RIT2: variants seen among roughly 807,000 people sequenced by gnomAD.
The protein encoded by RIT2 is Ras like without CAAX 2.
A neutral mutation model predicts 23.7 loss-of-function variants in RIT2; 24 were observed. The ratio of observed to expected loss-of-function variants is 1.01; its 90% CI spans 0.73 to 1.43. The LOEUF (loss-of-function observed/expected upper bound fraction) is 1.43, where lower values mean the gene tolerates loss of function less well. Ranked by LOEUF, RIT2 falls within the 40% of genes most tolerant of loss-of-function variation. The probability of loss-of-function intolerance (pLI) is 0.00; values close to 1 mark genes in which losing one functional copy is unlikely to be tolerated. For missense variants in RIT2, 236 were observed against 266.9 expected, an observed-to-expected ratio of 0.88 and a Z score of 0.81; for synonymous variants, 107 against 91.1, an observed-to-expected ratio of 1.17 and a Z score of -0.99.
intron 3 of RIT2, among the ~76,000 whole-genome samples, chr18:42,954,849 C>T (rs1909936007): frequency 6.6e-6 from 1 of 152,100 alleles, no homozygotes; most frequent in Non-Finnish European, 1.5e-5. Context: ...ACATTTACCA[C>T]CTCTCTTACT....
intron 3 of RIT2, among the ~76,000 whole-genome samples, chr18:42,971,533 AT>A (rs138486305): frequency 0.023 from 3,567 of 152,146 alleles, 56 homozygotes; most frequent in Middle Eastern, 0.055. Flanking sequence ...TAACTAAAAA[AT>A]GTTCTATTAA....
intron 2 of RIT2, among the ~76,000 whole-genome samples, chr18:42,978,670 T>TGCTTGTCAGAATG (rs1910527976): frequency 6.6e-6 from 1 of 152,130 alleles, no homozygotes; most frequent in African/African-American, 2.4e-5. Context: ...TAGGACTGCA[T>TGCTTGTCAGAATG]TCTTGGAGGC....
At chr18:43,091,280 G>A (rs1207850355) in intron 1 of RIT2, among the ~76,000 whole-genome samples, 1 of 152,022 alleles carries the variant, frequency 6.6e-6, no homozygotes, top group Admixed American at 6.6e-5. Context: ...TGTCCCCACA[G>A]TGTTTATACA....
chr18:42,919,854 A>G (rs1598714829), intron 4 of RIT2, among the ~76,000 whole-genome samples: 1 of 152,032 alleles, frequency 6.6e-6, no homozygotes, highest in East Asian at 1.9e-4. Flanking sequence ...ATCCGGGCCT[A>G]TCTCCTTCTA....
intron 4 of RIT2, among the ~76,000 whole-genome samples, chr18:42,834,518 TTTG>T (rs1368594265): frequency 1.3e-5 from 2 of 151,982 alleles, no homozygotes; most frequent in African/African-American, 2.4e-5. Context: ...GGGGTAGAAT[TTTG>T]TTATCATACT....
At chr18:42,967,292 G>A (rs17716283) in intron 3 of RIT2, among the ~76,000 whole-genome samples, 14,542 of 151,898 alleles carry the variant, frequency 0.096, 808 homozygotes, top group Non-Finnish European at 0.12. Context: ...ACAGTTGATG[G>A]TCTAGATAAT....
At chr18:43,077,346 C>A (rs1913050175) in intron 1 of RIT2, among the ~76,000 whole-genome samples, 1 of 152,204 alleles carries the variant, frequency 6.6e-6, no homozygotes, top group Middle Eastern at 3.4e-3. Context: ...CTAATAGAAT[C>A]TCATTCAAAC....
At chr18:42,831,755 A>G (rs1019838943) in intron 4 of RIT2, among the ~76,000 whole-genome samples, 12 of 152,144 alleles carry the variant, frequency 7.9e-5, no homozygotes, top group Non-Finnish European at 1.5e-5. Context: ...TTAACTAGGA[A>G]ATGGATGTTC....
chr18:43,030,796 T>C (rs191948128), intron 2 of RIT2, among the ~76,000 whole-genome samples: 217 of 152,228 alleles, frequency 1.4e-3, no homozygotes, highest in Non-Finnish European at 2.8e-3. Flanking sequence ...TGGTATGAGA[T>C]GCTGGTGGAT....
At chr18:42,773,567 G>A (rs1422234417) in intron 4 of RIT2, among the ~76,000 whole-genome samples, 1 of 152,074 alleles carries the variant, frequency 6.6e-6, no homozygotes, top group African/African-American at 2.4e-5. Flanking sequence ...TTATTTGGTG[G>A]CAGGTCTATA....
chr18:43,052,883 T>C (rs908828361), intron 1 of RIT2, among the ~76,000 whole-genome samples: 1 of 152,014 alleles, frequency 6.6e-6, no homozygotes, highest in Non-Finnish European at 1.5e-5. Context: ...GAGATAACAG[T>C]TCTATCTTGC....
intron 4 of RIT2, among the ~76,000 whole-genome samples, chr18:42,756,948 A>C (rs1913179182): frequency 6.6e-6 from 1 of 152,108 alleles, no homozygotes; most frequent in Non-Finnish European, 1.5e-5. Flanking sequence ...TAATTAAATA[A>C]TAAATTATAT....
intron 1 of RIT2, among the ~76,000 whole-genome samples, chr18:43,070,129 G>A (rs1465743259): frequency 1.3e-5 from 2 of 152,132 alleles, no homozygotes; most frequent in Non-Finnish European, 2.9e-5. Flanking sequence ...AGGAAAATAA[G>A]AGTGGGGGGA....
At chr18:42,938,938 A>G (rs1909527467) in intron 3 of RIT2, among the ~76,000 whole-genome samples, 1 of 151,990 alleles carries the variant, frequency 6.6e-6, no homozygotes, top group Admixed American at 6.6e-5. Context: ...TAGGGATGGC[A>G]TCTCACTATG....
intron 4 of RIT2, among the ~76,000 whole-genome samples, chr18:42,838,936 T>C (rs1906690766): frequency 6.6e-6 from 1 of 152,202 alleles, no homozygotes; most frequent in African/African-American, 2.4e-5. Context: ...CCAGAGCTAG[T>C]GCAAGCCTCA....
chr18:42,851,250 G>A (rs1907047155), intron 4 of RIT2, among the ~76,000 whole-genome samples: 1 of 152,102 alleles, frequency 6.6e-6, no homozygotes, highest in South Asian at 2.1e-4. Context: ...TACATTTGTG[G>A]TGTGCTTATC....
At chr18:42,766,303 C>G (rs1261463825) in intron 4 of RIT2, among the ~76,000 whole-genome samples, 1 of 152,144 alleles carries the variant, frequency 6.6e-6, no homozygotes, top group Non-Finnish European at 1.5e-5. Flanking sequence ...CAATAGAATC[C>G]AGGCTGAGGT....
Position 42,923,573 on chromosome 18 carries a change from T to A in RIT2, c.425A>T (p.Gln142Leu). Residue 142 changes from glutamine to leucine, a missense_variant and splice_region_variant, in exon 4 of 5, where the codon CAG (glutamine) becomes CTG (leucine). Gln to Leu is a moderately radical substitution (Grantham distance 113, BLOSUM62 -2). Coordinates refer to ENST00000326695, the MANE Select transcript of RIT2 (RefSeq NM_002930.4). ...GNKIDLEQFR[Q>L]VSTEEGLSLA... ...CTACCAGATAAAATCGGCACTCACC[T>A]GGCGGAACTGTTCCAGATCAATTTT... The A allele has an allele frequency of 6.2e-7, 1 of 1,612,724 alleles. No individual in the cohort carries two copies. Among genetic ancestry groups the A allele is most frequent in the East Asian group, 2.2e-5 (1 of 44,822 alleles).
chr18:42,775,551 G>T (rs558585264), intron 4 of RIT2, among the ~76,000 whole-genome samples: 1 of 152,030 alleles, frequency 6.6e-6, no homozygotes, highest in African/African-American at 2.4e-5. Flanking sequence ...AAAAAAATTA[G>T]CCGGTCGTGG....
Sources: allele counts gnomAD v4.1 joint callset (sites outside exome capture counted in the v4.1 genomes callset), GRCh38; gene constraint gnomAD v4.1.1; transcripts MANE v1.5; gene names NCBI Gene and HGNC (gene_info 2026-07-23, HGNC 2026-07-21).